The following WRN variants were observed in gnomAD, a reference collection of about 807,000 sequenced individuals.
The protein encoded by WRN is bifunctional 3'-5' exonuclease/ATP-dependent helicase WRN.
A neutral mutation model predicts 180.7 loss-of-function variants in WRN; 149 were observed. The ratio of observed to expected loss-of-function variants is 0.82; its 90% CI spans 0.72 to 0.94. WRN has a LOEUF of 0.94. Ranked by LOEUF, WRN falls within the 40% of genes least tolerant of loss-of-function variation. The pLI is 0.00. For synonymous variants in WRN, 548 were observed against 568.9 expected, an observed-to-expected ratio of 0.96 and a Z score of 0.52; for missense variants, 1,661 against 1,700.1, an observed-to-expected ratio of 0.98 and a Z score of 0.40.
At chr8:31,063,523 G>A (rs1029852558) in intron 3 of WRN, among the ~76,000 whole-genome samples, 1 of 152,176 alleles carries the variant, frequency 6.6e-6, no homozygotes, top group Non-Finnish European at 1.5e-5. Flanking sequence ...AGATATTGTC[G>A]TTGTCAAAGT....
chr8:31,147,251 A>C, intron 29 of WRN, 113 bp from the exon 30 acceptor site: 1 of 1,455,182 alleles, frequency 6.9e-7, no homozygotes, highest in Non-Finnish European at 9.6e-7. Flanking sequence ...CTGAGTTTAT[A>C]TTTCAGTTTA....
chr8:31,103,447 C>G (rs888624405), intron 18 of WRN, among the ~76,000 whole-genome samples: 35 of 152,326 alleles, frequency 2.3e-4, no homozygotes, highest in South Asian at 1.0e-3. Context: ...AGACATTATG[C>G]TGGCTATGAC....
intron 18 of WRN, 62 bp from the exon 19 acceptor site, chr8:31,111,553 A>G: frequency 9.5e-6 from 15 of 1,571,018 alleles, no homozygotes; most frequent in African/African-American, 2.7e-5. Flanking sequence ...TAAGAAAGCT[A>G]TAGACATGTT....
chr8:31,066,359 A>AT (rs569796167), intron 5 of WRN, among the ~76,000 whole-genome samples: 269 of 149,780 alleles, frequency 1.8e-3, no homozygotes, highest in African/African-American at 6.1e-3. Context: ...AATTTTTTGT[A>AT]TTTTTTTTAG....
intron 31 of WRN, among the ~76,000 whole-genome samples, chr8:31,153,595 C>A (rs1803230596): frequency 2.6e-5 from 4 of 152,124 alleles, no homozygotes; most frequent in African/African-American, 9.7e-5. Flanking sequence ...CTCTGAGATT[C>A]TTCCACATGT....
At chr8:31,094,596 C>T (rs926234039) in intron 16 of WRN, among the ~76,000 whole-genome samples, 1 of 152,196 alleles carries the variant, frequency 6.6e-6, no homozygotes, top group African/African-American at 2.4e-5. Flanking sequence ...ATTGTCCCAC[C>T]TCAGCCTTCC....
At chr8:31,117,417 C>T (rs1409127920) in intron 20 of WRN, among the ~76,000 whole-genome samples, 2 of 152,214 alleles carry the variant, frequency 1.3e-5, no homozygotes, top group African/African-American at 4.8e-5. Context: ...AGAAGAGAAA[C>T]TGAAGAAGGG....
intron 19 of WRN, among the ~76,000 whole-genome samples, chr8:31,115,624 C>A (rs1237519170): frequency 6.6e-6 from 1 of 152,022 alleles, no homozygotes; most frequent in African/African-American, 2.4e-5. Flanking sequence ...TTAACTTTTC[C>A]TAAATCTAAA....
chr8:31,173,580 G>A lies in WRN; in HGVS notation c.*478G>A, dbSNP rs1440410012. 1 of 177,860 alleles carries A rather than the reference G, an allele frequency of 5.6e-6. No homozygotes were observed. Among genetic ancestry groups the A allele is most frequent in the African/African-American group, 2.4e-5 (1 of 42,102 alleles). The allele number at this position is 177,860 out of a possible 1,614,324, so 11.0% of individuals were successfully genotyped here. On this transcript the variant is annotated 3_prime_UTR_variant, in exon 35 of 35. Coordinates refer to ENST00000298139, the MANE Select transcript of WRN (RefSeq NM_000553.6). The stretch of plus-strand genomic sequence containing the variant: ...GAAGTTCTTAAATACGTTGTTAAAT[G>A]GTATTAGTTGACCAGGGCAGTGAAA...
intron 19 of WRN, 86 bp from the exon 20 acceptor site, chr8:31,116,268 G>A (rs1801511404): frequency 7.3e-7 from 1 of 1,367,796 alleles, no homozygotes; most frequent in Non-Finnish European, 1.0e-6. Context: ...AAGGTAGAAA[G>A]GAAGAATTAA....
chr8:31,134,261 A>G (rs1802308701), intron 24 of WRN, among the ~76,000 whole-genome samples: 2 of 152,192 alleles, frequency 1.3e-5, no homozygotes, highest in Non-Finnish European at 2.9e-5. Flanking sequence ...AGGAAAAATT[A>G]ATATCTTTGT....
intron 3 of WRN, among the ~76,000 whole-genome samples, chr8:31,060,821 T>C (rs1179002838): frequency 6.6e-6 from 1 of 152,226 alleles, no homozygotes; most frequent in Non-Finnish European, 1.5e-5. Flanking sequence ...GTAGTTTTGA[T>C]GACTTATATG....
At chr8:31,104,163 G>A (rs1800995216) in intron 18 of WRN, among the ~76,000 whole-genome samples, 1 of 152,214 alleles carries the variant, frequency 6.6e-6, no homozygotes, top group Admixed American at 6.5e-5. Context: ...TTTCCAAAGT[G>A]GCTGTAGCAT....
chr8:31,096,735 T>G, intron 16 of WRN, 33 bp from the exon 17 acceptor site: 1 of 1,532,214 alleles, frequency 6.5e-7, no homozygotes, highest in Non-Finnish European at 8.9e-7. Context: ...CCTGTTTTTT[T>G]TTTTTTCTTT....
chr8:31,047,025 A>G (rs1811893651), intron 1 of WRN, among the ~76,000 whole-genome samples: 1 of 151,764 alleles, frequency 6.6e-6, no homozygotes, highest in Non-Finnish European at 1.5e-5. Flanking sequence ...TTGTGTATTA[A>G]TTTTCCAGTT....
rs1043176423 is a variant in WRN, at chr8:31,162,531, A to G, written c.3983-4491A>G. On this transcript the variant is annotated intron_variant, in intron 33 of 34. Transcript: ENST00000298139. ...ACTTCTAAAAAATAATAAAATGTAT[A>G]GTATAGCAAACACATAAACATAGTA... Among the ~76,000 whole-genome samples, 7 of 152,228 alleles carry G rather than the reference A, an allele frequency of 4.6e-5. No homozygotes were observed. The East Asian group carries it at 1.3e-3, about 29-fold the overall frequency.
chr8:31,109,284 C>T (rs548127980), intron 18 of WRN, among the ~76,000 whole-genome samples: 14 of 152,226 alleles, frequency 9.2e-5, no homozygotes, highest in South Asian at 2.1e-4. Flanking sequence ...TTAGTAGTAA[C>T]GAAGTACTAT....
At chr8:31,037,801 G>A (rs1440451814) in intron 1 of WRN, among the ~76,000 whole-genome samples, 1 of 152,074 alleles carries the variant, frequency 6.6e-6, no homozygotes, top group Non-Finnish European at 1.5e-5. Context: ...AGTATATTTT[G>A]AAGTCAGGTA....
In WRN at chr8:31,174,881, T is replaced by TC. The variant is rs1491456581; in HGVS notation, c.*1779_*1780insC. Among the ~76,000 whole-genome samples, 20 of 138,852 alleles carry TC rather than the reference T, an allele frequency of 1.4e-4. No homozygotes were observed. In the South Asian group the frequency reaches 1.7e-3, roughly 12 times the overall value. The allele number at this position is 138,852 out of a possible 152,430, so 91.1% of individuals were successfully genotyped here. The stretch of plus-strand genomic sequence containing the variant: ...CTTTTTCTTTCTCTTTCTTTCTTTC[T>TC]TTCTCTCTCTCTCTCTCTTTCTTTC... On this transcript the variant is annotated 3_prime_UTR_variant, in exon 35 of 35. Coordinates refer to ENST00000298139, the MANE Select transcript of WRN (RefSeq NM_000553.6).
Sources: gnomAD v4.1 joint callset for allele counts (sites outside exome capture counted in the v4.1 genomes callset) on GRCh38, gnomAD v4.1.1 for gene constraint, MANE v1.5 for transcripts, NCBI Gene and HGNC (gene_info 2026-07-23, HGNC 2026-07-21) for gene names.